Variants in SLC44A3 observed in about 807,000 individuals in gnomAD.
SLC44A3 encodes solute carrier family 44 member 3.
SLC44A3 carries 74 observed loss-of-function variants against 75.4 expected under a neutral mutation model. The observed-to-expected ratio is 0.98, with a 90% CI of 0.81 to 1.19. SLC44A3 has a LOEUF of 1.19. Among genes scored for constraint, SLC44A3 ranks in the 50% most tolerant of loss-of-function variants. The pLI, the probability that SLC44A3 is intolerant of heterozygous loss-of-function variation, is 0.00. For missense variants in SLC44A3, 700 were observed against 778.6 expected (o/e 0.90, Z 1.20); for synonymous variants, 310 against 296.9 (o/e 1.04, Z -0.45).
intron 12 of SLC44A3, among the ~76,000 whole-genome samples, chr1:94,887,821 T>A (rs1261222563): frequency 6.6e-6 from 1 of 152,058 alleles, no homozygotes; most frequent in African/African-American, 2.4e-5. Context: ...AAGACGATGC[T>A]GGGGGCTGGC....
intron 4 of SLC44A3, 102 bp from the exon 5 acceptor site, chr1:94,828,391 T>C: frequency 1.1e-6 from 1 of 907,234 alleles, no homozygotes; most frequent in Non-Finnish European, 1.7e-6. Context: ...CCCATAGACC[T>C]TGTAGTTGAT....
chr1:94,864,462 G>A (rs577198053), intron 10 of SLC44A3, among the ~76,000 whole-genome samples: 13 of 152,282 alleles, frequency 8.5e-5, no homozygotes, highest in Non-Finnish European at 1.3e-4. Flanking sequence ...ACCCTAAAGG[G>A]TTGGTGGATG....
intron 9 of SLC44A3, among the ~76,000 whole-genome samples, chr1:94,857,032 A>G (rs578063037): frequency 6.6e-6 from 1 of 152,304 alleles, no homozygotes; most frequent in East Asian, 1.9e-4. Context: ...CACCCAGCCT[A>G]CTTGCCTCTT....
At chr1:94,862,631 A>C (rs990166099) in intron 10 of SLC44A3, among the ~76,000 whole-genome samples, 1 of 152,158 alleles carries the variant, frequency 6.6e-6, no homozygotes, top group Non-Finnish European at 1.5e-5. Context: ...GCTGGGCTTC[A>C]TGGGGCATAT....
chr1:94,860,696 T>C (rs1248918632), intron 10 of SLC44A3, among the ~76,000 whole-genome samples: 1 of 152,228 alleles, frequency 6.6e-6, no homozygotes, highest in Non-Finnish European at 1.5e-5. Flanking sequence ...TAGAGTTGTA[T>C]ACCTATTCTT....
intron 5 of SLC44A3, among the ~76,000 whole-genome samples, chr1:94,834,291 A>G (rs1173651051): frequency 1.3e-5 from 2 of 152,210 alleles, no homozygotes; most frequent in Admixed American, 6.5e-5. Context: ...TAGCATCAGA[A>G]AGTAAGGAAG....
intron 12 of SLC44A3, among the ~76,000 whole-genome samples, chr1:94,883,298 C>G (rs375762405): frequency 6.6e-6 from 1 of 152,074 alleles, no homozygotes; most frequent in Non-Finnish European, 1.5e-5. Context: ...CTCAGGAATT[C>G]GAGACCAGCC....
At chr1:94,888,747 T>TTTTTTTTTTTTTTTGG (rs1571475497) in intron 12 of SLC44A3, 1 of 980,706 alleles carries the variant, frequency 1.0e-6, no homozygotes. Context: ...CTTTTTTTTT[T>TTTTTTTTTTTTTTTGG]GAGGCGGAGT....
intron 2 of SLC44A3, among the ~76,000 whole-genome samples, chr1:94,824,230 G>T (rs1399925820): frequency 6.6e-6 from 1 of 152,172 alleles, no homozygotes; most frequent in African/African-American, 2.4e-5. Context: ...TAAGGAAAAG[G>T]TTAAAAAGCA....
chr1:94,882,522 T>G (rs558671169), intron 12 of SLC44A3, among the ~76,000 whole-genome samples: 3 of 152,276 alleles, frequency 2.0e-5, no homozygotes, highest in African/African-American at 7.2e-5. Flanking sequence ...TTTCCACCAC[T>G]GATTATGCAC....
chr1:94,827,417 T>G lies in SLC44A3; in HGVS notation c.279-90T>G, dbSNP rs945450464. The G allele has an allele frequency of 9.9e-6, 15 of 1,513,916 alleles. No homozygotes were observed. In the Admixed American group the frequency reaches 2.6e-4, roughly 26 times the overall value. The allele number at this position is 1,513,916 out of a possible 1,614,324, so 93.8% of individuals were successfully genotyped here. A position where few individuals can be genotyped will look rare whatever the true frequency, so the allele number is the denominator to read the frequency against. ...AGTGTGCCTGGGTGATCCCTGCATT[T>G]GATAGCATGTGGATATTTTTTAAGG... On this transcript the variant is annotated intron_variant, in intron 3 of 14. Transcript: ENST00000271227.
intron 12 of SLC44A3, among the ~76,000 whole-genome samples, chr1:94,879,211 C>CA (rs1491129136): frequency 0.026 from 1,363 of 53,220 alleles, 5 homozygotes; most frequent in Non-Finnish European, 0.045. Context: ...TTAACAACAA[C>CA]TACAAAAAAA....
chr1:94,845,859 T>A (rs943838018), intron 9 of SLC44A3, among the ~76,000 whole-genome samples: 19 of 152,142 alleles, frequency 1.2e-4, no homozygotes, highest in African/African-American at 4.6e-4. Context: ...ATTAAAAATA[T>A]ATTGTGCAGC....
intron 10 of SLC44A3, among the ~76,000 whole-genome samples, chr1:94,864,450 G>T (rs1666922822): frequency 2.0e-5 from 3 of 152,148 alleles, no homozygotes; most frequent in Admixed American, 6.6e-5. Flanking sequence ...AGATGAATAG[G>T]CACCCTAAAG....
At chr1:94,821,377 C>T (rs564064207) in intron 2 of SLC44A3, among the ~76,000 whole-genome samples, 6 of 152,270 alleles carry the variant, frequency 3.9e-5, no homozygotes, top group Non-Finnish European at 7.4e-5. Context: ...TTAGCACCTG[C>T]CACACCCCCA....
chr1:94,837,630 T>C (rs947731537), intron 5 of SLC44A3, 81 bp from the exon 6 acceptor site: 1 of 1,385,396 alleles, frequency 7.2e-7, no homozygotes, highest in Non-Finnish European at 9.6e-7. Flanking sequence ...GCTTTTTTGG[T>C]TATTGAGAAT....
chr1:94,831,184 C>A (rs899697414), intron 5 of SLC44A3, among the ~76,000 whole-genome samples: 8 of 152,158 alleles, frequency 5.3e-5, no homozygotes, highest in African/African-American at 1.4e-4. Context: ...CAGCCCTAGT[C>A]CTTTTCACCC....
chr1:94,827,674 C>T (rs1313185199), intron 4 of SLC44A3, 31 bp downstream of exon 4: 1 of 1,611,150 alleles, frequency 6.2e-7, no homozygotes, highest in Non-Finnish European at 8.5e-7. Context: ...TGTTCTTTTC[C>T]CCATGATGGG....
At chr1:94,853,197 T>C (rs1164264778) in intron 9 of SLC44A3, among the ~76,000 whole-genome samples, 3 of 150,818 alleles carry the variant, frequency 2.0e-5, no homozygotes, top group African/African-American at 7.3e-5. Context: ...AGGGGTGGAG[T>C]GTGGGGCCCT....
Sources: allele counts gnomAD v4.1 joint callset (sites outside exome capture counted in the v4.1 genomes callset), GRCh38; gene constraint gnomAD v4.1.1; transcripts MANE v1.5; gene names NCBI Gene and HGNC (gene_info 2026-07-23, HGNC 2026-07-21).